The following COL18A1 variants were observed in gnomAD, a reference collection of about 807,000 sequenced individuals.
COL18A1 encodes the protein collagen alpha-1(XVIII) chain.
In COL18A1, 133 loss-of-function variants were observed where a neutral mutation model predicts 168.0. That is an observed-to-expected ratio of 0.79 (90% confidence interval 0.69 to 0.91). The LOEUF (loss-of-function observed/expected upper bound fraction) is 0.91, where lower values mean the gene tolerates loss of function less well. Among genes scored for constraint, COL18A1 ranks in the 40% least tolerant of loss-of-function variants. The pLI is 0.00. For missense variants in COL18A1, 2,126 were observed against 1,925.4 expected (o/e 1.10, Z -1.95); for synonymous variants, 949 against 809.0 (o/e 1.17, Z -2.94).
chr21:45,495,084 T>A, intron 28 of COL18A1, 169 bp downstream of exon 28: 1 of 691,118 alleles, frequency 1.4e-6, no homozygotes, highest in South Asian at 1.8e-5. Context: ...TGGATGTGGC[T>A]GGCAGTACCC....
chr21:45,458,902 G>A (rs1302355293), intron 2 of COL18A1, among the ~76,000 whole-genome samples: 5 of 152,234 alleles, frequency 3.3e-5, no homozygotes, highest in Non-Finnish European at 7.3e-5. Flanking sequence ...TTGGGGCACA[G>A]CTGCATGGCT....
chr21:45,493,239 G>A lies in COL18A1; in HGVS notation c.2277+14G>A, dbSNP rs145217573. On this transcript the variant is annotated intron_variant, in intron 25 of 41. Coordinates refer to ENST00000651438, the MANE Select transcript of COL18A1 (RefSeq NM_001379500.1). ...CCGGGACCCAAGGTAAGGGGCTCAG[G>A]TGCTGTCCCTCAACCCCCTTTGTGA... 1.9e-6 allele frequency: 3 copies of A among 1,553,488 alleles called. No homozygotes were observed. The highest frequency in any genetic ancestry group is 2.6e-6 in the Non-Finnish European group (3 of 1,148,512).
chr21:45,410,414 G>T (rs983034219), intron 2 of COL18A1, among the ~76,000 whole-genome samples: 3 of 87,002 alleles, frequency 3.4e-5, no homozygotes, highest in Non-Finnish European at 6.6e-5. Flanking sequence ...CCGGGCACTG[G>T]TGGGGGGTCA....
intron 2 of COL18A1, among the ~76,000 whole-genome samples, chr21:45,444,490 CA>C (rs2034462760): frequency 6.6e-6 from 1 of 152,118 alleles, no homozygotes; most frequent in East Asian, 1.9e-4. Context: ...GTAAAATGCA[CA>C]TGCCAGGATA....
chr21:45,454,520 C>T (rs1202886275), intron 2 of COL18A1, among the ~76,000 whole-genome samples: 9 of 152,156 alleles, frequency 5.9e-5, no homozygotes, highest in South Asian at 2.1e-4. Context: ...CATGTGTGAA[C>T]GTGTGTGTGA....
At chr21:45,430,481 T>C (rs2033925624) in intron 2 of COL18A1, among the ~76,000 whole-genome samples, 1 of 152,000 alleles carries the variant, frequency 6.6e-6, no homozygotes, top group Admixed American at 6.5e-5. Context: ...GGCTCGAGAC[T>C]GGGATCCTGG....
rs962845480 is a variant in COL18A1, at chr21:45,497,587, C to G, written c.2621-12C>G. The G allele has an allele frequency of 5.7e-5, 89 of 1,556,986 alleles. No homozygotes were observed. Among genetic ancestry groups the G allele is most frequent in the African/African-American group, 1.1e-4 (8 of 73,318 alleles). On this transcript the variant is annotated splice_polypyrimidine_tract_variant and intron_variant, in intron 31 of 41. Transcript: ENST00000651438. ...CACATTCCTGATGGGCACTGGGTCT[C>G]TCTTCCTCCAGGGAATCAGGGCCCT...
chr21:45,499,005 C>G (rs889508400), intron 32 of COL18A1, among the ~76,000 whole-genome samples: 1 of 152,148 alleles, frequency 6.6e-6, no homozygotes, highest in Admixed American at 6.5e-5. Context: ...CTAGAGGGAA[C>G]AGTGTTTGCA....
chr21:45,499,226 T>C (rs1030060136), intron 32 of COL18A1, among the ~76,000 whole-genome samples: 1 of 152,148 alleles, frequency 6.6e-6, no homozygotes, highest in African/African-American at 2.4e-5. Flanking sequence ...GAGGATGACA[T>C]GCAGGCCAGC....
chr21:45,474,462 CTGTGTGTGGTGTGTCTCTG>C (rs1218389419), intron 4 of COL18A1, among the ~76,000 whole-genome samples: 6 of 132,194 alleles, frequency 4.5e-5, no homozygotes, highest in South Asian at 4.6e-4. Context: ...TAGTGTGTCT[CTGTGTGTGGTGTGTCTCTG>C]TGTGTGTGGT....
chr21:45,480,633 T>TG, intron 12 of COL18A1, 67 bp from the exon 13 acceptor site: 1 of 1,611,822 alleles, frequency 6.2e-7, no homozygotes, highest in East Asian at 2.2e-5. Flanking sequence ...AGGCCCGTTC[T>TG]GGGGGTGGTG....
At chr21:45,495,542 C>G in intron 29 of COL18A1, 110 bp downstream of exon 29, 2 of 903,472 alleles carry the variant, frequency 2.2e-6, no homozygotes, top group East Asian at 2.7e-5. Flanking sequence ...TTATAAGCAG[C>G]CCTGCCATGT....
rs1193308723 is a variant in COL18A1, at chr21:45,425,860, C to T, written c.106+20387C>T. Among the ~76,000 whole-genome samples the T allele has an allele frequency of 1.3e-5, 2 of 152,176 alleles. No individual in the cohort carries two copies. Among genetic ancestry groups the T allele is most frequent in the Non-Finnish European group, 2.9e-5 (2 of 68,022 alleles). On this transcript the variant is annotated intron_variant, in intron 2 of 41. Transcript: ENST00000651438. This position sits in a 1 kb window ranked among gnomAD's most constrained non-coding sequence, Gnocchi z 4.1. Reference sequence around the variant, plus strand: ...CCCAAGTTAGAACAGCACATCTGTGCGTGCAAACTTCATTCTGACTTCGGC... The same window carrying T: ...CCCAAGTTAGAACAGCACATCTGTGTGTGCAAACTTCATTCTGACTTCGGC...
intron 2 of COL18A1, among the ~76,000 whole-genome samples, chr21:45,460,808 C>A (rs766084722): frequency 3.3e-5 from 5 of 152,172 alleles, no homozygotes; most frequent in Non-Finnish European, 7.3e-5. Flanking sequence ...CGTAAATTCT[C>A]CATGCCTCTT....
chr21:45,468,696 G>A lies in COL18A1; in HGVS notation c.561G>A (p.Pro187=), dbSNP rs534851819. The A allele has an allele frequency of 5.5e-5, 89 of 1,613,432 alleles. No individual in the cohort carries two copies. In the Admixed American group the frequency reaches 1.4e-3, roughly 25 times the overall value. Residue 187 remains proline, a synonymous_variant, in exon 3 of 42, where the codon CCG becomes CCA. Transcript: ENST00000651438. ...YVDCEEFQRM[P]LARSSRGLEL... ...ACTGTGAGGAGTTCCAGAGAATGCCGCTTGCTCGGTCCTCACGGGGCCTGG... is the reference window on the plus strand; with the variant it reads ...ACTGTGAGGAGTTCCAGAGAATGCCACTTGCTCGGTCCTCACGGGGCCTGG...
At chr21:45,439,781 A>C (rs1305904847) in intron 2 of COL18A1, among the ~76,000 whole-genome samples, 1 of 148,394 alleles carries the variant, frequency 6.7e-6, no homozygotes, top group African/African-American at 2.4e-5. Flanking sequence ...CCAAGCACAG[A>C]GCCTGGCCTC....
At chr21:45,509,990 GGGGTGGTGCGCCCGGGGCCT>G in intron 39 of COL18A1, 54 bp from the exon 40 acceptor site, 2 of 1,491,316 alleles carry the variant, frequency 1.3e-6, no homozygotes, top group Non-Finnish European at 1.8e-6. Context: ...GTGCGGGGCC[GGGGTGGTGCGCCCGGGGCCT>G]GGGTGCAGGG....
At position 45,443,250 on chromosome 21, in the gene COL18A1, C is replaced by A. The variant is rs542051873; in HGVS notation, c.107-24992C>A. Reference sequence around the variant, plus strand: ...GAGGTGCTTACCCCATGGCCCCAACCGGCACAAGTGTGGCTGTCACAGCTG... The same window carrying A: ...GAGGTGCTTACCCCATGGCCCCAACAGGCACAAGTGTGGCTGTCACAGCTG... On this transcript the variant is annotated intron_variant, in intron 2 of 41. Transcript: ENST00000651438. This position sits in a 1 kb window ranked among gnomAD's most constrained non-coding sequence, Gnocchi z 5.2. Among the ~76,000 whole-genome samples the A allele has an allele frequency of 5.9e-5, 9 of 152,162 alleles. No individual in the cohort carries two copies. In the South Asian group the frequency reaches 1.7e-3, roughly 28 times the overall value.
intron 17 of COL18A1, 138 bp from the exon 18 acceptor site, chr21:45,488,280 C>G: frequency 9.2e-7 from 1 of 1,090,198 alleles, no homozygotes; most frequent in Non-Finnish European, 1.4e-6. Context: ...AATGGCTTTA[C>G]CATTTTAACT....
Sources: gnomAD v4.1 joint callset for allele counts (sites outside exome capture counted in the v4.1 genomes callset) on GRCh38, gnomAD v4.1.1 for gene constraint, Gnocchi (gnomAD v3.1) non-coding constraint, MANE v1.5 for transcripts, NCBI Gene and HGNC (gene_info 2026-07-23, HGNC 2026-07-21) for gene names.